Variants in PLBD1 observed in about 807,000 individuals in gnomAD.
PLBD1 encodes the protein phospholipase B domain containing 1.
In PLBD1, 60 loss-of-function variants were observed where a neutral mutation model predicts 63.0. That is an observed-to-expected ratio of 0.95 (90% CI 0.77 to 1.18). The LOEUF (loss-of-function observed/expected upper bound fraction) is 1.18, where lower values mean the gene tolerates loss of function less well. Among genes scored for constraint, PLBD1 ranks in the 50% most tolerant of loss-of-function variants. The pLI is 0.00. For synonymous variants in PLBD1, 262 were observed against 248.0 expected, an observed-to-expected ratio of 1.06 and a Z score of -0.53; for missense variants, 598 against 677.9, an observed-to-expected ratio of 0.88 and a Z score of 1.31.
At chr12:14,556,866 T>TC in intron 1 of PLBD1, among the ~76,000 whole-genome samples, 1 of 151,624 alleles carries the variant, frequency 6.6e-6, no homozygotes, top group East Asian at 2.0e-4. Context: ...AGCCTGTAAT[T>TC]CCAACTACTT....
chr12:14,549,005 T>C (rs1945637105), intron 2 of PLBD1, among the ~76,000 whole-genome samples: 1 of 152,246 alleles, frequency 6.6e-6, no homozygotes, highest in Admixed American at 6.5e-5. Context: ...ACAGTCTTTA[T>C]ATCATTCATG....
At chr12:14,552,720 G>A (rs1414314253) in intron 2 of PLBD1, among the ~76,000 whole-genome samples, 1 of 152,190 alleles carries the variant, frequency 6.6e-6, no homozygotes, top group Middle Eastern at 3.2e-3. Context: ...GGGCAACATG[G>A]GGAGACCCTG....
chr12:14,526,845 G>A (rs1211164666), intron 6 of PLBD1, among the ~76,000 whole-genome samples: 2 of 152,096 alleles, frequency 1.3e-5, no homozygotes, highest in Admixed American at 6.5e-5. Context: ...GGTGGCGCAT[G>A]CCTGTAATCC....
intron 1 of PLBD1, among the ~76,000 whole-genome samples, chr12:14,555,979 T>C (rs1945700304): frequency 6.6e-6 from 1 of 152,078 alleles, no homozygotes; most frequent in Admixed American, 6.5e-5. Context: ...GGGTACTCAA[T>C]AAATATTTGT....
intron 5 of PLBD1, chr12:14,536,170 A>G: frequency 8.2e-6 from 2 of 244,184 alleles, no homozygotes; most frequent in South Asian, 6.3e-5. Context: ...ATGGTGGCAC[A>G]CCCATGTAGT....
intron 6 of PLBD1, among the ~76,000 whole-genome samples, chr12:14,526,604 T>C (rs1412918911): frequency 2.0e-5 from 3 of 152,214 alleles, no homozygotes; most frequent in African/African-American, 7.2e-5. Flanking sequence ...GCATTGGTAA[T>C]AGCGACTTTT....
intron 8 of PLBD1, among the ~76,000 whole-genome samples, chr12:14,510,335 AG>A (rs1433917804): frequency 1.3e-5 from 2 of 151,888 alleles, no homozygotes; most frequent in Non-Finnish European, 2.9e-5. Context: ...CAGAGGTTGC[AG>A]GGAGCCGAGA....
chr12:14,531,856 T>C (rs191083927), intron 6 of PLBD1, among the ~76,000 whole-genome samples: 349 of 152,236 alleles, frequency 2.3e-3, no homozygotes, highest in African/African-American at 8.1e-3. Flanking sequence ...CTCAAACTCC[T>C]GAGCTCAAGA....
At chr12:14,513,916 A>ACTACAGG (rs1945319129) in intron 6 of PLBD1, among the ~76,000 whole-genome samples, 1 of 151,848 alleles carries the variant, frequency 6.6e-6, no homozygotes. Context: ...AGTAGCTGGG[A>ACTACAGG]CTACAGGCGC....
intron 4 of PLBD1, 89 bp from the exon 5 acceptor site, chr12:14,536,799 C>A: frequency 1.3e-6 from 2 of 1,512,888 alleles, no homozygotes; most frequent in Non-Finnish European, 1.8e-6. Flanking sequence ...TTAAATTATT[C>A]CCTTGCAGGC....
chr12:14,542,149 T>TA, intron 3 of PLBD1, 59 bp downstream of exon 3: 1 of 1,413,238 alleles, frequency 7.1e-7, no homozygotes, highest in Non-Finnish European at 1.0e-6. Flanking sequence ...TGCTTGAAAT[T>TA]ACAGATTCAG....
At chr12:14,538,487 C>T (rs1945538531) in intron 4 of PLBD1, among the ~76,000 whole-genome samples, 2 of 152,148 alleles carry the variant, frequency 1.3e-5, no homozygotes. Context: ...AGCCACTGCA[C>T]CCAGCCTGTC....
chr12:14,512,562 A>AACAC (rs1945306667), intron 6 of PLBD1, among the ~76,000 whole-genome samples: 1 of 152,236 alleles, frequency 6.6e-6, no homozygotes, highest in African/African-American at 2.4e-5. Context: ...TGTTGGAGGC[A>AACAC]ACACAGGAAA....
In PLBD1 at chr12:14,535,911, A is replaced by G. The variant is rs967732684; in HGVS notation, c.700-108T>C. The G allele has an allele frequency of 1.0e-5, 12 of 1,143,132 alleles. No homozygotes were observed. In the Admixed American group the frequency reaches 1.6e-4, roughly 16 times the overall value. 70.8% of individuals were successfully genotyped at this position (1,143,132 alleles called of 1,614,324 possible). A position where few individuals can be genotyped will look rare whatever the true frequency, so the allele number is the denominator to read the frequency against. ...ATTGTGCCATTTCAGGTAAGTGTTTATTGCTATACTGATTATTGGAAAATA... is the reference window on the plus strand; with the variant it reads ...ATTGTGCCATTTCAGGTAAGTGTTTGTTGCTATACTGATTATTGGAAAATA... On this transcript the variant is annotated intron_variant, in intron 5 of 10. Transcript: ENST00000240617.
chr12:14,526,877 C>G (rs1366949387), intron 6 of PLBD1, among the ~76,000 whole-genome samples: 1 of 152,138 alleles, frequency 6.6e-6, no homozygotes, highest in Non-Finnish European at 1.5e-5. Flanking sequence ...GAGGATGAGG[C>G]AGGAGAATCA....
chr12:14,530,848 G>C (rs143105072), intron 6 of PLBD1, among the ~76,000 whole-genome samples: 1,782 of 152,296 alleles, frequency 0.012, 77 homozygotes, highest in Admixed American at 0.086. Flanking sequence ...CTAGTGCAAG[G>C]CTTCTCCATT....
At chr12:14,564,343 T>A (rs1228810112) in intron 1 of PLBD1, among the ~76,000 whole-genome samples, 1 of 152,154 alleles carries the variant, frequency 6.6e-6, no homozygotes, top group African/African-American at 2.4e-5. Flanking sequence ...GATAAAGGTA[T>A]TAACTGTTAT....
At position 14,538,113 on chromosome 12, in the gene PLBD1, A is replaced by G. The variant is rs371268072; in HGVS notation, c.559-1403T>C. Among the ~76,000 whole-genome samples the G allele has an allele frequency of 5.3e-5, 8 of 151,880 alleles. No individual in the cohort carries two copies. In the South Asian group the frequency reaches 1.7e-3, roughly 32 times the overall value. ...TCACCTTGATTTTTTTTGTCTTAGT[A>G]TCTTTCATTTAATGTTTTGGGGATA... is the stretch of plus-strand genomic sequence containing the variant. On this transcript the variant is annotated intron_variant, in intron 4 of 10. Coordinates refer to ENST00000240617, the MANE Select transcript of PLBD1 (RefSeq NM_024829.6).
intron 1 of PLBD1, among the ~76,000 whole-genome samples, chr12:14,561,656 G>A (rs1399374845): frequency 6.6e-6 from 1 of 152,312 alleles, no homozygotes; most frequent in South Asian, 2.1e-4. Flanking sequence ...CCGGGTTCAA[G>A]CAATTCTCCT....
Sources: allele counts gnomAD v4.1 joint callset (sites outside exome capture counted in the v4.1 genomes callset), GRCh38; gene constraint gnomAD v4.1.1; transcripts MANE v1.5; gene names NCBI Gene and HGNC (gene_info 2026-07-23, HGNC 2026-07-21).